Variants in CPEB1 observed in about 807,000 individuals in gnomAD.
The protein encoded by CPEB1 is cytoplasmic polyadenylation element binding protein 1.
Under a neutral mutation model 65.8 loss-of-function variants are expected in CPEB1, and 7 were observed. The observed-to-expected ratio is 0.11, with a 90% CI of 0.06 to 0.20. The LOEUF (loss-of-function observed/expected upper bound fraction) is 0.20. Ranked by LOEUF, CPEB1 falls within the 10% of genes least tolerant of loss-of-function variation. The pLI, the probability that CPEB1 is intolerant of heterozygous loss-of-function variation, is 1.00. For synonymous variants in CPEB1, 262 were observed against 260.0 expected (o/e 1.01, Z -0.08); for missense variants, 551 against 712.2 (o/e 0.77, Z 2.58).
chr15:82,556,125 AG>A lies in CPEB1; in HGVS notation c.688-4del. 1 of 1,591,578 alleles carries A rather than the reference AG, an allele frequency of 6.3e-7. No individual in the cohort carries two copies. Among genetic ancestry groups the A allele is most frequent in the Non-Finnish European group, 8.5e-7 (1 of 1,173,236 alleles). ...GGTGGAGAAATGCGAAGGCTTGACT[AG>A]GGGAGGAAAAAGGAAGACAGGGTTT... On this transcript the variant is annotated splice_region_variant and splice_polypyrimidine_tract_variant and intron_variant, in intron 5 of 12. Coordinates refer to ENST00000684509, the MANE Select transcript of CPEB1 (RefSeq NM_001365242.1).
At chr15:82,571,574 G>C (rs2040036349) in intron 3 of CPEB1, 42 bp from the exon 4 acceptor site, 2 of 1,580,224 alleles carry the variant, frequency 1.3e-6, no homozygotes, top group African/African-American at 2.7e-5. Flanking sequence ...AGAGTTAAGG[G>C]CTGTTTTCCC....
intron 3 of CPEB1, among the ~76,000 whole-genome samples, chr15:82,610,981 A>AAAAAAAAG (rs781581118): frequency 0.016 from 2,188 of 134,176 alleles, 28 homozygotes; most frequent in African/African-American, 0.035. Flanking sequence ...AAAAAAAAAA[A>AAAAAAAAG]AAAAAAAGAA....
In CPEB1 at chr15:82,559,342, G is replaced by C. The variant is rs1372005969; in HGVS notation, c.461-1356C>G. Among the ~76,000 whole-genome samples the C allele has an allele frequency of 2.0e-5, 3 of 152,184 alleles. No individual in the cohort carries two copies. The East Asian group carries it at 5.8e-4, about 29-fold the overall frequency. On this transcript the variant is annotated intron_variant, in intron 4 of 12. Coordinates refer to ENST00000684509, the MANE Select transcript of CPEB1 (RefSeq NM_001365242.1). ...CTCCCCTTTTGGATAAGACATGGTAGGTGTATCCTTAACATTTAACACAGG... is the reference window on the plus strand; with the variant it reads ...CTCCCCTTTTGGATAAGACATGGTACGTGTATCCTTAACATTTAACACAGG...
chr15:82,567,483 A>C (rs1181906424), intron 4 of CPEB1, among the ~76,000 whole-genome samples: 1 of 151,968 alleles, frequency 6.6e-6, no homozygotes, highest in Non-Finnish European at 1.5e-5. Context: ...CTTTAAAAAA[A>C]AAAATTAGCT....
At chr15:82,647,803 G>A, upstream of CPEB1, 1 of 1,275,616 alleles carries the variant, frequency 7.8e-7, no homozygotes, top group Non-Finnish European at 9.9e-7. Flanking sequence ...CGGACCGTTA[G>A]CTACTGCGGC....
intron 3 of CPEB1, among the ~76,000 whole-genome samples, chr15:82,613,290 T>C (rs1430063403): frequency 2.0e-5 from 3 of 152,202 alleles, no homozygotes; most frequent in East Asian, 3.8e-4. Context: ...CCTACATCTA[T>C]AGAATAAAGG....
chr15:82,553,450 AC>A lies in CPEB1; in HGVS notation c.1144+16del. 6.2e-7 allele frequency: 1 copy of A among 1,602,208 alleles called. No individual in the cohort carries two copies. Among genetic ancestry groups the A allele is most frequent in the Non-Finnish European group, 8.6e-7 (1 of 1,169,582 alleles). Reference sequence around the variant, plus strand: ...AAAAAGCTCCTACCATGTCTTTATTACCTTTAGGCATATTACCTTTGGGAGG... The same window carrying A: ...AAAAAGCTCCTACCATGTCTTTATTACTTTAGGCATATTACCTTTGGGAGG... On this transcript the variant is annotated intron_variant, in intron 8 of 12. Coordinates refer to ENST00000684509, the MANE Select transcript of CPEB1 (RefSeq NM_001365242.1).
intron 9 of CPEB1, among the ~76,000 whole-genome samples, chr15:82,550,210 T>A (rs1156807619): frequency 3.9e-5 from 6 of 152,146 alleles, no homozygotes; most frequent in Non-Finnish European, 5.9e-5. Flanking sequence ...ACATACAAGA[T>A]CCCTGGAGTC....
intron 3 of CPEB1, among the ~76,000 whole-genome samples, chr15:82,581,472 G>C (rs920552039): frequency 6.6e-6 from 1 of 152,152 alleles, no homozygotes; most frequent in South Asian, 2.1e-4. Flanking sequence ...CCTAGAAGGA[G>C]AATTGCTGGA....
intron 3 of CPEB1, among the ~76,000 whole-genome samples, chr15:82,601,019 C>T (rs2043069313): frequency 6.6e-6 from 1 of 150,518 alleles, no homozygotes; most frequent in Non-Finnish European, 1.5e-5. Context: ...ATTCTCCACC[C>T]TCAGCCTCCC....
At chr15:82,575,830 T>C (rs1016915736) in intron 3 of CPEB1, among the ~76,000 whole-genome samples, 1 of 152,128 alleles carries the variant, frequency 6.6e-6, no homozygotes, top group Non-Finnish European at 1.5e-5. Flanking sequence ...TTACCGTAAA[T>C]GGTACATCCA....
chr15:82,630,243 A>G (rs1239611380), intron 1 of CPEB1: 8 of 221,204 alleles, frequency 3.6e-5, no homozygotes, highest in African/African-American at 4.7e-5. Context: ...CACAATCTGC[A>G]TTATCTTAAG....
At chr15:82,601,662 G>A (rs1017490416) in intron 3 of CPEB1, among the ~76,000 whole-genome samples, 6 of 152,164 alleles carry the variant, frequency 3.9e-5, no homozygotes, top group South Asian at 2.1e-4. Context: ...ACAATATAAG[G>A]TCACTGATTG....
intron 3 of CPEB1, among the ~76,000 whole-genome samples, chr15:82,600,802 A>G (rs1221136873): frequency 6.6e-6 from 1 of 152,092 alleles, no homozygotes; most frequent in Non-Finnish European, 1.5e-5. Flanking sequence ...AGGTTTAAGC[A>G]TAACAAAACG....
chr15:82,626,341 G>A (rs1217550367), intron 3 of CPEB1, among the ~76,000 whole-genome samples: 1 of 152,016 alleles, frequency 6.6e-6, no homozygotes, highest in Non-Finnish European at 1.5e-5. Context: ...GGCTGAGGCA[G>A]GATAACCGCT....
chr15:82,581,771 T>C (rs1454979663), intron 3 of CPEB1, among the ~76,000 whole-genome samples: 1 of 152,218 alleles, frequency 6.6e-6, no homozygotes, highest in East Asian at 1.9e-4. Context: ...CAGGTTTTTG[T>C]TGAATTGCTT....
chr15:82,569,811 C>T (rs2039733902), intron 4 of CPEB1, among the ~76,000 whole-genome samples: 1 of 152,202 alleles, frequency 6.6e-6, no homozygotes, highest in Non-Finnish European at 1.5e-5. Flanking sequence ...ACACTGATCA[C>T]CCACAGACAG....
At chr15:82,614,447 T>G (rs2044493525) in intron 3 of CPEB1, among the ~76,000 whole-genome samples, 1 of 152,100 alleles carries the variant, frequency 6.6e-6, no homozygotes, top group African/African-American at 2.4e-5. Flanking sequence ...GTCCAAGAAT[T>G]AAACAAAACA....
chr15:82,561,251 G>C (rs2038143599), intron 4 of CPEB1, among the ~76,000 whole-genome samples: 1 of 152,110 alleles, frequency 6.6e-6, no homozygotes, highest in Non-Finnish European at 1.5e-5. Flanking sequence ...GTGATAACTG[G>C]GCCTGGAGTT....
Sources: allele counts gnomAD v4.1 joint callset (sites outside exome capture counted in the v4.1 genomes callset), GRCh38; gene constraint gnomAD v4.1.1; transcripts MANE v1.5; gene names NCBI Gene and HGNC (gene_info 2026-07-23, HGNC 2026-07-21).